CTNNA2: variants seen among roughly 807,000 people sequenced by gnomAD.
CTNNA2 encodes the protein catenin alpha 2.
CTNNA2 carries 42 observed loss-of-function variants against 101.0 expected under a neutral mutation model. The ratio of observed to expected loss-of-function variants is 0.42; its 90% confidence interval spans 0.32 to 0.54. The LOEUF (loss-of-function observed/expected upper bound fraction) is 0.54. Among genes scored for constraint, CTNNA2 ranks in the 20% least tolerant of loss-of-function variants. CTNNA2 has a pLI of 0.14. For missense variants in CTNNA2, 871 were observed against 1,223.1 expected, an observed-to-expected ratio of 0.71 and a Z score of 4.29; for synonymous variants, 450 against 456.4, an observed-to-expected ratio of 0.99 and a Z score of 0.18.
At chr2:80,592,897 GT>G in intron 15 of CTNNA2, among the ~76,000 whole-genome samples, 1 of 152,262 alleles carries the variant, frequency 6.6e-6, no homozygotes, top group Middle Eastern at 3.4e-3. Flanking sequence ...ATGTGAATTA[GT>G]TCATAAATGG....
intron 7 of CTNNA2, among the ~76,000 whole-genome samples, chr2:80,104,486 ACTT>A (rs1190557060): frequency 2.6e-5 from 4 of 152,310 alleles, no homozygotes; most frequent in East Asian, 1.9e-4. Context: ...CGCTAAAAAA[ACTT>A]CTAACCGACA....
intron 7 of CTNNA2, chr2:80,298,724 T>C (rs1247121486): frequency 1.3e-5 from 2 of 152,222 alleles, no homozygotes; most frequent in African/African-American, 4.8e-5. Flanking sequence ...CTTTGATGAG[T>C]TCAGAAGAAT....
chr2:79,584,800 G>A (rs931497064), intron 1 of CTNNA2, among the ~76,000 whole-genome samples: 6 of 152,136 alleles, frequency 3.9e-5, no homozygotes, highest in East Asian at 1.9e-4. Flanking sequence ...GATTACAGGC[G>A]TGAGCCACCG....
At chr2:80,617,650 A>C (rs952021997) in intron 17 of CTNNA2, among the ~76,000 whole-genome samples, 1 of 151,722 alleles carries the variant, frequency 6.6e-6, no homozygotes, top group African/African-American at 2.4e-5. Flanking sequence ...AAAAATGGAC[A>C]TGATGTTGCC....
intron 2 of CTNNA2, among the ~76,000 whole-genome samples, chr2:79,696,167 C>T (rs1332637893): frequency 6.6e-6 from 1 of 151,972 alleles, no homozygotes; most frequent in Non-Finnish European, 1.5e-5. Context: ...AGCAAGGTTA[C>T]AAAGTCGCTT....
chr2:79,719,615 T>C (rs1182391626), intron 2 of CTNNA2, among the ~76,000 whole-genome samples: 8 of 152,200 alleles, frequency 5.3e-5, no homozygotes, highest in Admixed American at 5.2e-4. Flanking sequence ...TGTTATCTCA[T>C]TATGGTGTTG....
intron 3 of CTNNA2, among the ~76,000 whole-genome samples, chr2:79,770,885 C>A (rs911415746): frequency 3.9e-5 from 6 of 152,158 alleles, no homozygotes; most frequent in Non-Finnish European, 7.3e-5. Context: ...CAATTCTTAA[C>A]TTGTATAGCA....
chr2:79,794,674 A>T (rs183431710), intron 3 of CTNNA2, among the ~76,000 whole-genome samples: 16 of 152,334 alleles, frequency 1.1e-4, no homozygotes, highest in Non-Finnish European at 2.1e-4. Context: ...GATCTCCATA[A>T]CTTACTTATC....
intron 3 of CTNNA2, among the ~76,000 whole-genome samples, chr2:79,821,675 A>G (rs924971161): frequency 4.6e-5 from 7 of 152,244 alleles, no homozygotes; most frequent in Admixed American, 3.3e-4. Flanking sequence ...AGAGGAATAC[A>G]TGTAACTTTC....
chr2:79,986,326 T>G lies in CTNNA2; in HGVS notation c.1056+76529T>G, dbSNP rs116803856. On this transcript the variant is annotated intron_variant, in intron 7 of 18. Transcript: ENST00000402739. ...GGATGTTCTTTGAGGATATTCCTCTTTACTTTGTAACCATCACTTGCCCAT... is the reference window on the plus strand; with the variant it reads ...GGATGTTCTTTGAGGATATTCCTCTGTACTTTGTAACCATCACTTGCCCAT... Among the ~76,000 whole-genome samples, 641 of 152,282 alleles carry G rather than the reference T, an allele frequency of 4.2e-3. 2 individuals are homozygous for G. Among genetic ancestry groups the G allele is most frequent in the African/African-American group, 0.014 (595 of 41,554 alleles).
At chr2:80,256,133 G>T (rs1189865422) in intron 7 of CTNNA2, among the ~76,000 whole-genome samples, 1 of 152,036 alleles carries the variant, frequency 6.6e-6, no homozygotes, top group Non-Finnish European at 1.5e-5. Flanking sequence ...TTATTAATGG[G>T]CTTCCTTTGT....
At chr2:79,837,174 C>T (rs964916583) in intron 3 of CTNNA2, among the ~76,000 whole-genome samples, 1 of 152,046 alleles carries the variant, frequency 6.6e-6, no homozygotes, top group Admixed American at 6.6e-5. Flanking sequence ...TCACAAGGTC[C>T]CACAATAGGC....
Position 80,190,984 on chromosome 2 carries a change from T to C in CTNNA2, c.1057-202227T>C, listed in dbSNP as rs778777254. Among the ~76,000 whole-genome samples, 183 of 152,304 alleles carry C rather than the reference T, an allele frequency of 1.2e-3. 1 individual carries two copies. The highest frequency in any genetic ancestry group is 4.6e-4 in the Non-Finnish European group (31 of 68,032). On this transcript the variant is annotated intron_variant, in intron 7 of 18. Coordinates refer to ENST00000402739, the MANE Select transcript of CTNNA2 (RefSeq NM_001282597.3). ...GAAGTGCAACTTGTTCCACCGCCTT[T>C]AAAATAGGCTGCAGCTGTTCTAGTG...
At chr2:79,972,457 G>A (rs1255499719) in intron 7 of CTNNA2, among the ~76,000 whole-genome samples, 1 of 152,130 alleles carries the variant, frequency 6.6e-6, no homozygotes, top group Non-Finnish European at 1.5e-5. Context: ...ATCCAAAATA[G>A]TATTTTATTC....
At chr2:79,578,338 C>T (rs558568170) in intron 1 of CTNNA2, among the ~76,000 whole-genome samples, 12 of 151,922 alleles carry the variant, frequency 7.9e-5, no homozygotes, top group Non-Finnish European at 1.8e-4. Context: ...AATAACCTGC[C>T]ATTTATTCTT....
chr2:79,483,949 T>C (rs1671133405), intron 4 of CTNNA2, among the ~76,000 whole-genome samples: 1 of 152,170 alleles, frequency 6.6e-6, no homozygotes. Context: ...GACACCATAA[T>C]GATAAGTCCA....
intron 4 of CTNNA2, among the ~76,000 whole-genome samples, chr2:79,468,082 G>C (rs1024565340): frequency 1.6e-4 from 25 of 152,098 alleles, no homozygotes; most frequent in Non-Finnish European, 3.2e-4. Flanking sequence ...ACACAGACTA[G>C]CAAATTAGAT....
intron 7 of CTNNA2, among the ~76,000 whole-genome samples, chr2:80,164,995 T>G (rs1045154146): frequency 6.6e-6 from 1 of 151,020 alleles, no homozygotes; most frequent in African/African-American, 2.4e-5. Flanking sequence ...TTTTCGGAAG[T>G]GTAAAAGTGG....
intron 4 of CTNNA2, among the ~76,000 whole-genome samples, chr2:79,868,027 T>G (rs1258538017): frequency 6.6e-6 from 1 of 152,218 alleles, no homozygotes; most frequent in Non-Finnish European, 1.5e-5. Flanking sequence ...ACTATAACAA[T>G]GTTTTAAAAG....
Sources: allele counts gnomAD v4.1 joint callset (sites outside exome capture counted in the v4.1 genomes callset), GRCh38; gene constraint gnomAD v4.1.1; transcripts MANE v1.5; gene names NCBI Gene and HGNC (gene_info 2026-07-23, HGNC 2026-07-21).